The following ADGRL2 variants were observed in gnomAD, a reference collection of about 807,000 sequenced individuals.
ADGRL2 encodes adhesion G protein-coupled receptor L2.
In ADGRL2, 44 loss-of-function variants were observed where a neutral mutation model predicts 157.4. The observed-to-expected ratio is 0.28, with a 90% CI of 0.22 to 0.36. The LOEUF (loss-of-function observed/expected upper bound fraction) is 0.36, where lower values mean the gene tolerates loss of function less well. Ranked by LOEUF, ADGRL2 falls within the 10% of genes least tolerant of loss-of-function variation. The probability of loss-of-function intolerance (pLI) is 1.00; values close to 1 mark genes in which losing one functional copy is unlikely to be tolerated. For synonymous variants in ADGRL2, 585 were observed against 624.7 expected (o/e 0.94, Z 0.95); for missense variants, 1,510 against 1,768.9 (o/e 0.85, Z 2.63).
At chr1:81,372,506 G>T (rs2076177526) in intron 1 of ADGRL2, among the ~76,000 whole-genome samples, 1 of 152,110 alleles carries the variant, frequency 6.6e-6, no homozygotes, top group Admixed American at 6.5e-5. Context: ...ATCTGTTGCT[G>T]GATCGATTGA....
chr1:81,977,794 G>A (rs1274707239), intron 17 of ADGRL2, among the ~76,000 whole-genome samples: 1 of 151,552 alleles, frequency 6.6e-6, no homozygotes, highest in African/African-American at 2.4e-5. Context: ...TCAGGAAATT[G>A]TTTAAGAAGA....
chr1:81,348,825 CATCT>C (rs1662668038), intron 1 of ADGRL2, among the ~76,000 whole-genome samples: 1 of 152,142 alleles, frequency 6.6e-6, no homozygotes, highest in Non-Finnish European at 1.5e-5. Context: ...ATAAACCAAC[CATCT>C]GAGAAGAGAT....
chr1:81,852,383 T>C (rs866938145), intron 2 of ADGRL2, among the ~76,000 whole-genome samples: 1 of 152,110 alleles, frequency 6.6e-6, no homozygotes, highest in Admixed American at 6.6e-5. Context: ...TGGAAAGATA[T>C]AGCTTCTTTT....
intron 3 of ADGRL2, among the ~76,000 whole-genome samples, chr1:81,917,532 A>G (rs1163420322): frequency 6.6e-6 from 1 of 152,192 alleles, no homozygotes; most frequent in Non-Finnish European, 1.5e-5. Context: ...ATAGAAGTAA[A>G]TGATTTTGTA....
intron 2 of ADGRL2, among the ~76,000 whole-genome samples, chr1:81,504,865 T>C (rs2078936567): frequency 6.6e-6 from 1 of 152,122 alleles, no homozygotes; most frequent in South Asian, 2.1e-4. Flanking sequence ...CCCCAGGGTA[T>C]GAGGAGATGA....
At chr1:81,612,080 A>G (rs1033940849) in intron 3 of ADGRL2, among the ~76,000 whole-genome samples, 2 of 152,174 alleles carry the variant, frequency 1.3e-5, no homozygotes, top group Non-Finnish European at 1.5e-5. Context: ...TAAATTACCC[A>G]GTCTCAAGTA....
chr1:81,672,668 G>A (rs372462592), intron 3 of ADGRL2, among the ~76,000 whole-genome samples: 5 of 151,996 alleles, frequency 3.3e-5, no homozygotes, highest in African/African-American at 1.2e-4. Flanking sequence ...TGGACTTGTG[G>A]GAAATGACAA....
chr1:81,917,735 T>A (rs1167670145), intron 3 of ADGRL2, among the ~76,000 whole-genome samples: 1 of 152,172 alleles, frequency 6.6e-6, no homozygotes, highest in African/African-American at 2.4e-5. Context: ...TTAATTTGGC[T>A]TGAGATGATT....
At position 81,447,087 on chromosome 1, in the gene ADGRL2, A is replaced by T. The variant is rs72940958; in HGVS notation, c.-248+1998A>T. On this transcript the variant is annotated intron_variant, in intron 2 of 24. Transcript: ENST00000370721. ...TTAGTCAACATAAATTTTACTATTAAAATCATTTAAAGGGGCAAACGTTGG... is the reference window on the plus strand; with the variant it reads ...TTAGTCAACATAAATTTTACTATTATAATCATTTAAAGGGGCAAACGTTGG... 8.4e-3 allele frequency among the ~76,000 whole-genome samples: 1,278 copies of T among 152,256 alleles called. 19 individuals carry two copies. Among genetic ancestry groups the T allele is most frequent in the African/African-American group, 0.029 (1,215 of 41,580 alleles).
intron 3 of ADGRL2, among the ~76,000 whole-genome samples, chr1:81,602,842 G>A (rs578201857): frequency 6.7e-6 from 1 of 148,742 alleles, no homozygotes; most frequent in East Asian, 2.0e-4. Flanking sequence ...AGGTTGCAGT[G>A]AGCCGAGATC....
intron 3 of ADGRL2, among the ~76,000 whole-genome samples, chr1:81,597,163 C>T (rs549514587): frequency 6.6e-6 from 1 of 152,256 alleles, no homozygotes; most frequent in African/African-American, 2.4e-5. Context: ...TTGCCTTTGA[C>T]ATCTGTCATT....
At chr1:81,880,145 T>A (rs1233454734) in intron 2 of ADGRL2, among the ~76,000 whole-genome samples, 1 of 152,238 alleles carries the variant, frequency 6.6e-6, no homozygotes, top group Non-Finnish European at 1.5e-5. Context: ...TCTAAAGCGA[T>A]GTCCTACTGT....
At chr1:81,794,178 G>C (rs533507405) in intron 2 of ADGRL2, among the ~76,000 whole-genome samples, 4 of 152,026 alleles carry the variant, frequency 2.6e-5, no homozygotes, top group Non-Finnish European at 5.9e-5. Context: ...TTCTTGCTGT[G>C]GATTCTACAT....
At chr1:81,537,995 C>A (rs959841078) in intron 2 of ADGRL2, among the ~76,000 whole-genome samples, 3 of 152,156 alleles carry the variant, frequency 2.0e-5, no homozygotes, top group African/African-American at 7.2e-5. Flanking sequence ...CCACCATGCC[C>A]GGCCGTGTCT....
Position 81,341,056 on chromosome 1 carries a change from C to T in ADGRL2, c.-302+34547C>T, listed in dbSNP as rs114949636. Among the ~76,000 whole-genome samples, 710 of 152,102 alleles carry T rather than the reference C, an allele frequency of 4.7e-3. 7 individuals are homozygous for T. Among genetic ancestry groups the T allele is most frequent in the African/African-American group, 0.016 (673 of 41,508 alleles). ...CCTATCACATGTCTAAGGTAATCGA[C>T]GGTTACAAAGAATGGTGGAAAACAT... is the stretch of plus-strand genomic sequence containing the variant. On this transcript the variant is annotated intron_variant, in intron 1 of 24. Transcript: ENST00000370721.
chr1:81,465,655 A>G lies in ADGRL2; in HGVS notation c.-248+20566A>G, dbSNP rs1006179555. Among the ~76,000 whole-genome samples the G allele has an allele frequency of 5.3e-5, 8 of 152,298 alleles. No individual in the cohort carries two copies. The East Asian group carries it at 7.7e-4, about 15-fold the overall frequency. The stretch of plus-strand genomic sequence containing the variant: ...CACTAACTCCTAGTTTTACGTCCCT[A>G]TGATGGTATTTATAGTGCCTTTGTG... On this transcript the variant is annotated intron_variant, in intron 2 of 24. Coordinates refer to the ADGRL2 transcript ENST00000370721.
chr1:81,359,529 A>G (rs2075938406), intron 1 of ADGRL2, among the ~76,000 whole-genome samples: 2 of 152,052 alleles, frequency 1.3e-5, no homozygotes, highest in African/African-American at 4.8e-5. Context: ...TTCAGTATAC[A>G]GCATTAATAT....
chr1:81,476,336 G>C (rs2078272962), intron 2 of ADGRL2, among the ~76,000 whole-genome samples: 2 of 152,086 alleles, frequency 1.3e-5, no homozygotes, highest in South Asian at 4.1e-4. Context: ...TCTAAGTAAA[G>C]CTGCAAAAAT....
chr1:81,578,573 C>A (rs958167598), intron 2 of ADGRL2, among the ~76,000 whole-genome samples: 2 of 152,084 alleles, frequency 1.3e-5, no homozygotes, highest in Non-Finnish European at 2.9e-5. Context: ...TTCTTTTACA[C>A]CTTCATTAGA....
Sources: allele counts gnomAD v4.1 joint callset (sites outside exome capture counted in the v4.1 genomes callset), GRCh38; gene constraint gnomAD v4.1.1; transcripts MANE v1.5; gene names NCBI Gene and HGNC (gene_info 2026-07-23, HGNC 2026-07-21).